The following MALRD1 variants were observed in gnomAD, a reference collection of about 807,000 sequenced individuals.
The protein encoded by MALRD1 is MAM and LDL receptor class A domain containing 1.
A neutral mutation model predicts 242.1 loss-of-function variants in MALRD1; 247 were observed. That is an observed-to-expected ratio of 1.02 (90% CI 0.92 to 1.13). The LOEUF (loss-of-function observed/expected upper bound fraction) is 1.13. Ranked by LOEUF, MALRD1 falls within the 50% of genes most tolerant of loss-of-function variation. The pLI is 0.00. For missense variants in MALRD1, 2,989 were observed against 2,533.1 expected (o/e 1.18, Z -3.86); for synonymous variants, 995 against 866.6 (o/e 1.15, Z -2.60).
At chr10:19,626,214 C>A (rs146438629) in intron 36 of MALRD1, among the ~76,000 whole-genome samples, 113 of 151,036 alleles carry the variant, frequency 7.5e-4, no homozygotes, top group African/African-American at 2.7e-3. Flanking sequence ...ATCTAAAAGT[C>A]AAAACTGTAG....
intron 36 of MALRD1, among the ~76,000 whole-genome samples, chr10:19,661,981 A>T (rs187828278): frequency 5.7e-4 from 87 of 152,278 alleles, no homozygotes; most frequent in Middle Eastern, 3.4e-3. Context: ...TGAGATTCTA[A>T]ATTCATTTTC....
At position 19,238,484 on chromosome 10, in the gene MALRD1, TATATATAATATATAATATAATATATAATG is replaced by T. The variant is rs1838555603; in HGVS notation, c.2992-19199_2992-19171del. 1.0e-4 allele frequency among the ~76,000 whole-genome samples: 2 copies of T among 19,776 alleles called. 1 individual carries two copies. Among genetic ancestry groups the T allele is most frequent in the East Asian group, 6.7e-3 (2 of 298 alleles). 13.0% of individuals were successfully genotyped at this position (19,776 alleles called of 152,430 possible). ...ATATAATATAATATATAATATACAT[TATATATAATATATAATATAATATATAATG>T]TATATTATATATAATATACATTATA... On this transcript the variant is annotated intron_variant, in intron 18 of 39. Transcript: ENST00000454679.
chr10:19,589,943 A>C (rs1283591797), intron 33 of MALRD1, among the ~76,000 whole-genome samples: 3 of 152,150 alleles, frequency 2.0e-5, no homozygotes, highest in Non-Finnish European at 4.4e-5. Context: ...CAACAACATG[A>C]ATTCCCAAGG....
chr10:19,375,552 G>A (rs538021681), intron 26 of MALRD1, among the ~76,000 whole-genome samples: 110 of 152,150 alleles, frequency 7.2e-4, no homozygotes, highest in African/African-American at 2.5e-3. Context: ...ACTGTCACCC[G>A]CCATGCTCTC....
chr10:19,561,667 T>C (rs1835968445), intron 32 of MALRD1, among the ~76,000 whole-genome samples: 1 of 152,082 alleles, frequency 6.6e-6, no homozygotes, highest in Admixed American at 6.5e-5. Context: ...CTCAGTCTTT[T>C]AGCGAGACTG....
chr10:19,507,179 C>T (rs1833180713), intron 31 of MALRD1, among the ~76,000 whole-genome samples: 1 of 152,026 alleles, frequency 6.6e-6, no homozygotes, highest in Non-Finnish European at 1.5e-5. Context: ...CGCCATGATC[C>T]AGTCACCTCT....
intron 18 of MALRD1, among the ~76,000 whole-genome samples, chr10:19,244,828 G>A (rs1838970684): frequency 6.6e-6 from 1 of 152,104 alleles, no homozygotes; most frequent in African/African-American, 2.4e-5. Context: ...TCTGTATTTG[G>A]TCTCTTTATC....
intron 22 of MALRD1, among the ~76,000 whole-genome samples, chr10:19,325,062 G>T (rs1588911929): frequency 2.3e-5 from 2 of 85,326 alleles, no homozygotes. Flanking sequence ...TTGCCTAATT[G>T]TGATGTTCTA....
intron 21 of MALRD1, among the ~76,000 whole-genome samples, chr10:19,310,442 G>C (rs929325998): frequency 4.6e-5 from 7 of 151,444 alleles, no homozygotes; most frequent in Non-Finnish European, 1.0e-4. Flanking sequence ...AATGCATGTT[G>C]AAAAACAAAA....
intron 36 of MALRD1, among the ~76,000 whole-genome samples, chr10:19,688,378 T>A (rs1359841931): frequency 2.0e-5 from 3 of 152,150 alleles, no homozygotes; most frequent in Non-Finnish European, 4.4e-5. Context: ...TTCTCTCACC[T>A]TAGTCTCCTT....
intron 28 of MALRD1, among the ~76,000 whole-genome samples, chr10:19,396,561 A>G (rs764115346): frequency 3.3e-5 from 5 of 152,254 alleles, no homozygotes; most frequent in South Asian, 2.1e-4. Flanking sequence ...CCCATGTCAC[A>G]TAAAAATTAT....
chr10:19,353,089 CTCT>C (rs1364513602), intron 26 of MALRD1, among the ~76,000 whole-genome samples: 1 of 152,014 alleles, frequency 6.6e-6, no homozygotes. Context: ...TCACTGCAAC[CTCT>C]TCCTCCTGGG....
At chr10:19,175,064 G>A (rs973562181) in intron 13 of MALRD1, 144 bp from the exon 14 acceptor site, 2 of 462,702 alleles carry the variant, frequency 4.3e-6, no homozygotes, top group Non-Finnish European at 6.7e-6. Context: ...ATTTAAATTA[G>A]GATGTTCTGG....
chr10:19,108,564 G>A (rs1409096386), intron 5 of MALRD1, among the ~76,000 whole-genome samples: 3 of 70,520 alleles, frequency 4.3e-5, no homozygotes, highest in Non-Finnish European at 7.4e-5. Context: ...ACAGGTGCCC[G>A]CCACCGCGCC....
chr10:19,539,378 T>G (rs115648241), intron 32 of MALRD1, among the ~76,000 whole-genome samples: 505 of 152,338 alleles, frequency 3.3e-3, no homozygotes, highest in African/African-American at 0.011. Flanking sequence ...GAGGGCTATT[T>G]ATGACGTATT....
intron 19 of MALRD1, 77 bp downstream of exon 19, chr10:19,257,848 A>G (rs1839586355): frequency 9.8e-7 from 1 of 1,017,488 alleles, no homozygotes; most frequent in South Asian, 2.0e-5. Context: ...TCAATATTTC[A>G]TTTCTACAAA....
rs1274725819 is a variant in MALRD1, at chr10:19,331,480, CATGAAT to C, written c.3800_3805del (p.His1267_Phe1269delinsLeu). 2.6e-6 allele frequency: 4 copies of C among 1,550,276 alleles called. No homozygotes were observed. The highest frequency in any genetic ancestry group is 3.5e-6 in the Non-Finnish European group (4 of 1,146,826). ...TAGCCCAGAGAGAAAGTGTACTGAT[CATGAAT>C]TCATGTGTGCTAATAAGCACTGCAT... On this transcript the variant is annotated inframe_deletion, in exon 24 of 40. Coordinates refer to ENST00000454679, the MANE Select transcript of MALRD1 (RefSeq NM_001142308.3).
chr10:19,129,026 C>G (rs1468993370), intron 8 of MALRD1, among the ~76,000 whole-genome samples: 4 of 152,148 alleles, frequency 2.6e-5, no homozygotes, highest in African/African-American at 9.7e-5. Context: ...CAATATCTCA[C>G]TTCTGACACC....
intron 4 of MALRD1, among the ~76,000 whole-genome samples, chr10:19,101,990 T>C (rs1216240501): frequency 7.6e-6 from 1 of 132,080 alleles, no homozygotes; most frequent in African/African-American, 2.7e-5. Context: ...TGTTATAATA[T>C]AATTATAACA....
Sources: allele counts gnomAD v4.1 joint callset (sites outside exome capture counted in the v4.1 genomes callset), GRCh38; gene constraint gnomAD v4.1.1; transcripts MANE v1.5; gene names NCBI Gene and HGNC (gene_info 2026-07-23, HGNC 2026-07-21).